CSMD1: variants seen among roughly 807,000 people sequenced by gnomAD.
CSMD1 encodes CUB and Sushi multiple domains 1.
Under a neutral mutation model 417.5 loss-of-function variants are expected in CSMD1, and 213 were observed. The observed-to-expected ratio is 0.51, with a 90% CI of 0.46 to 0.57. The LOEUF (loss-of-function observed/expected upper bound fraction) is 0.57, where lower values mean the gene tolerates loss of function less well. Among genes scored for constraint, CSMD1 ranks in the 20% least tolerant of loss-of-function variants. The pLI is 0.00. For synonymous variants in CSMD1, 2,862 were observed against 1,736.8 expected (o/e 1.65, Z -16.11); for missense variants, 6,923 against 4,529.7 (o/e 1.53, Z -15.17).
intron 1 of CSMD1, among the ~76,000 whole-genome samples, chr8:4,719,904 T>A (rs1393172203): frequency 6.6e-6 from 1 of 152,124 alleles, no homozygotes; most frequent in Non-Finnish European, 1.5e-5. Context: ...ATATTCGACC[T>A]CACTTTTTAT....
chr8:4,342,025 G>T (rs557157998), intron 3 of CSMD1, among the ~76,000 whole-genome samples: 3 of 152,094 alleles, frequency 2.0e-5, no homozygotes, highest in Admixed American at 6.6e-5. Flanking sequence ...TTGGTCTCAA[G>T]ATACAAATTC....
At chr8:4,368,764 A>C (rs917234804) in intron 3 of CSMD1, among the ~76,000 whole-genome samples, 4 of 152,142 alleles carry the variant, frequency 2.6e-5, no homozygotes, top group Non-Finnish European at 5.9e-5. Flanking sequence ...AGGTGCTCAT[A>C]ATACTCTCAG....
chr8:3,626,620 T>C (rs930247534), intron 7 of CSMD1, among the ~76,000 whole-genome samples: 1 of 151,426 alleles, frequency 6.6e-6, no homozygotes, highest in African/African-American at 2.4e-5. Context: ...GAATGATGAG[T>C]CCCCACAGAA....
chr8:3,416,903 T>G (rs868651925), intron 12 of CSMD1, among the ~76,000 whole-genome samples: 2 of 152,210 alleles, frequency 1.3e-5, no homozygotes, highest in Non-Finnish European at 2.9e-5. Flanking sequence ...ATAAAACCGC[T>G]CAATGAATAA....
At chr8:4,629,843 T>A (rs1232587546) in intron 2 of CSMD1, among the ~76,000 whole-genome samples, 1 of 152,222 alleles carries the variant, frequency 6.6e-6, no homozygotes, top group Non-Finnish European at 1.5e-5. Context: ...TTGCAAACTA[T>A]GTGGCTGTCT....
At chr8:4,132,190 G>T (rs1055043201) in intron 3 of CSMD1, among the ~76,000 whole-genome samples, 1 of 122,690 alleles carries the variant, frequency 8.2e-6, no homozygotes, top group Middle Eastern at 4.5e-3. Flanking sequence ...AATTTGTCAT[G>T]GATTTTTTTT....
At chr8:4,754,149 A>G (rs1160718326) in intron 1 of CSMD1, among the ~76,000 whole-genome samples, 1 of 152,136 alleles carries the variant, frequency 6.6e-6, no homozygotes, top group Non-Finnish European at 1.5e-5. Context: ...TAAAATAGAC[A>G]CTTCTGATTG....
intron 49 of CSMD1, among the ~76,000 whole-genome samples, chr8:3,079,267 T>C (rs1423306481): frequency 6.6e-6 from 1 of 152,196 alleles, no homozygotes; most frequent in African/African-American, 2.4e-5. Flanking sequence ...TTCTGATAAT[T>C]TACAATCTGG....
intron 3 of CSMD1, among the ~76,000 whole-genome samples, chr8:4,199,048 T>C (rs1254166205): frequency 6.6e-6 from 1 of 152,192 alleles, no homozygotes; most frequent in Non-Finnish European, 1.5e-5. Flanking sequence ...GCTCTCATCC[T>C]CTGCAGTCTG....
At chr8:3,532,037 C>G (rs1798003457) in intron 10 of CSMD1, among the ~76,000 whole-genome samples, 1 of 152,176 alleles carries the variant, frequency 6.6e-6, no homozygotes, top group African/African-American at 2.4e-5. Flanking sequence ...GTTTTTCATG[C>G]CCTGTCTAGA....
intron 4 of CSMD1, among the ~76,000 whole-genome samples, chr8:4,030,173 G>A (rs1176660344): frequency 6.9e-6 from 1 of 144,368 alleles, no homozygotes; most frequent in Non-Finnish European, 1.5e-5. Context: ...GGAGTCTGAA[G>A]GATGGTAGCC....
At chr8:3,580,109 G>GA (rs543193264) in intron 9 of CSMD1, among the ~76,000 whole-genome samples, 5,821 of 151,664 alleles carry the variant, frequency 0.038, 371 homozygotes, top group African/African-American at 0.13. Flanking sequence ...GTCTCAAAAA[G>GA]AAAAGAAAAT....
chr8:3,055,798 G>T (rs867756846), intron 49 of CSMD1, among the ~76,000 whole-genome samples: 17 of 152,280 alleles, frequency 1.1e-4, no homozygotes, highest in Middle Eastern at 6.8e-3. Context: ...TGGGAGCACA[G>T]GCCTCAAACT....
intron 12 of CSMD1, among the ~76,000 whole-genome samples, chr8:3,415,675 A>G (rs557281703): frequency 6.6e-6 from 1 of 152,136 alleles, no homozygotes; most frequent in Non-Finnish European, 1.5e-5. Flanking sequence ...TGTCACATTT[A>G]TAGGTGTGTG....
intron 7 of CSMD1, among the ~76,000 whole-genome samples, chr8:3,689,237 C>T (rs191346405): frequency 2.6e-5 from 4 of 152,284 alleles, no homozygotes; most frequent in African/African-American, 7.2e-5. Context: ...AACTTATCCA[C>T]AGTTACCATG....
chr8:4,707,065 A>G (rs1314274337), intron 1 of CSMD1, among the ~76,000 whole-genome samples: 2 of 152,196 alleles, frequency 1.3e-5, no homozygotes, highest in Non-Finnish European at 2.9e-5. Flanking sequence ...CAGATCTGAG[A>G]TTAGGAAAGA....
intron 3 of CSMD1, among the ~76,000 whole-genome samples, chr8:4,129,995 T>C (rs1024325081): frequency 2.0e-5 from 3 of 152,182 alleles, no homozygotes; most frequent in African/African-American, 4.8e-5. Flanking sequence ...TATGTGTTTA[T>C]TGGGAATTTT....
intron 2 of CSMD1, among the ~76,000 whole-genome samples, chr8:4,550,321 A>G (rs1382809026): frequency 7.3e-6 from 1 of 137,380 alleles, no homozygotes; most frequent in Non-Finnish European, 1.6e-5. Context: ...GAAGAAGCAT[A>G]CACACACGCA....
intron 3 of CSMD1, among the ~76,000 whole-genome samples, chr8:4,100,969 A>G (rs1314353126): frequency 6.6e-6 from 1 of 152,206 alleles, no homozygotes; most frequent in Admixed American, 6.5e-5. Flanking sequence ...TCACTCCATC[A>G]GCACAATACT....
Sources: gnomAD v4.1 joint callset for allele counts (sites outside exome capture counted in the v4.1 genomes callset) on GRCh38, gnomAD v4.1.1 for gene constraint, MANE v1.5 for transcripts, NCBI Gene and HGNC (gene_info 2026-07-23, HGNC 2026-07-21) for gene names.